Variants in HK1 observed in about 807,000 individuals in gnomAD.
HK1 encodes the protein hexokinase-1.
Under a neutral mutation model 91.6 loss-of-function variants are expected in HK1, and 28 were observed. That is an observed-to-expected ratio of 0.31 (90% CI 0.23 to 0.42). The LOEUF (loss-of-function observed/expected upper bound fraction) is 0.42, where lower values mean the gene tolerates loss of function less well. HK1 is among the 10% of genes least tolerant of loss of function. The pLI is 1.00. For synonymous variants in HK1, 430 were observed against 468.1 expected (o/e 0.92, Z 1.05); for missense variants, 770 against 1,219.8 (o/e 0.63, Z 5.49).
chr10:69,317,981 C>T (rs146790406), upstream of HK1: 791 of 907,114 alleles, frequency 8.7e-4, 8 homozygotes, highest in African/African-American at 0.013. Flanking sequence ...TGGGAAGGGG[C>T]GCTGAACCGT....
At chr10:69,309,578 G>A (rs1384693907) in intron 5 of HK1, among the ~76,000 whole-genome samples, 3 of 144,622 alleles carry the variant, frequency 2.1e-5, no homozygotes, top group Non-Finnish European at 3.0e-5. Flanking sequence ...GAGGTGGGCG[G>A]ATCATGAGGT....
chr10:69,379,682 T>G (rs1839288033), intron 8 of HK1, among the ~76,000 whole-genome samples, 180 bp from the exon 9 acceptor site: 1 of 152,186 alleles, frequency 6.6e-6, no homozygotes, highest in East Asian at 1.9e-4. Context: ...CTGGCATTTC[T>G]TATGGAGGAG....
chr10:69,326,276 GGT>G (rs1360330554), intron 1 of HK1, among the ~76,000 whole-genome samples: 1 of 152,030 alleles, frequency 6.6e-6, no homozygotes, highest in Non-Finnish European at 1.5e-5. Context: ...CATATGTGTA[GGT>G]GTGTGTATGC....
chr10:69,335,833 C>T lies in HK1; in HGVS notation c.64-7994C>T, dbSNP rs1424579710. On this transcript the variant is annotated intron_variant, in intron 1 of 17. Transcript: ENST00000359426. ...TCAAATGCAGGTGTCTACATGGCCC[C>T]GACTGTGCCCTGTCATCGGACCGGG... Among the ~76,000 whole-genome samples, 5 of 152,308 alleles carry T rather than the reference C, an allele frequency of 3.3e-5. No individual in the cohort carries two copies. The East Asian group carries it at 5.8e-4, about 18-fold the overall frequency.
At chr10:69,284,795 C>A (rs916963664) in intron 2 of HK1, among the ~76,000 whole-genome samples, 2 of 152,090 alleles carry the variant, frequency 1.3e-5, no homozygotes, top group African/African-American at 4.8e-5. Context: ...CTCACCACCA[C>A]GCTCAGTAAT....
chr10:69,295,359 A>G (rs1845507440), intron 3 of HK1, among the ~76,000 whole-genome samples: 1 of 152,116 alleles, frequency 6.6e-6, no homozygotes, highest in South Asian at 2.1e-4. Context: ...GTTGTCTTTC[A>G]TCTTGGACTC....
Position 69,338,516 on chromosome 10 carries a change from C to G in HK1, c.64-5311C>G, listed in dbSNP as rs754924372. ...CTGATAGATGGTCCACAGACCGAGG[C>G]TTGCAGTGGAAGCAGCTGGAAGTGG... On this transcript the variant is annotated intron_variant, in intron 1 of 17. Coordinates refer to ENST00000359426, the MANE Select transcript of HK1 (RefSeq NM_000188.3). The G allele has an allele frequency of 3.9e-6, 5 of 1,289,448 alleles. No individual in the cohort carries two copies. In the African/African-American group the frequency reaches 7.6e-5, roughly 20 times the overall value. 79.9% of individuals were successfully genotyped at this position (1,289,448 alleles called of 1,614,324 possible). A position where few individuals can be genotyped will look rare whatever the true frequency, so the allele number is the denominator to read the frequency against.
At chr10:69,348,700 A>G (rs1364590122) in intron 2 of HK1, among the ~76,000 whole-genome samples, 1 of 152,138 alleles carries the variant, frequency 6.6e-6, no homozygotes, top group Non-Finnish European at 1.5e-5. Flanking sequence ...AATCCCAGCT[A>G]CCTGGGAGGC....
At chr10:69,361,998 G>A (rs550527181) in intron 3 of HK1, among the ~76,000 whole-genome samples, 10 of 152,162 alleles carry the variant, frequency 6.6e-5, no homozygotes, top group Admixed American at 2.6e-4. Context: ...TGTATTGTTC[G>A]TAGAGATGGG....
rs145461525 is a variant in HK1, at chr10:69,281,190, T to G, written c.-390-1339T>G. ...TCACAGAATCACCAGGAGGGCTTGT[T>G]AAAACACAGATTCATGGTTCCACCC... On this transcript the variant is annotated intron_variant, in intron 1 of 21. Transcript: ENST00000360289. Among the ~76,000 whole-genome samples the G allele has an allele frequency of 1.7e-3, 260 of 152,294 alleles. 2 individuals are homozygous for G. The highest frequency in any genetic ancestry group is 6.0e-3 in the African/African-American group (251 of 41,558).
At chr10:69,272,640 C>T (rs555649132) in intron 1 of HK1, among the ~76,000 whole-genome samples, 54 of 120,574 alleles carry the variant, frequency 4.5e-4, no homozygotes, top group African/African-American at 1.3e-3. Flanking sequence ...ATTCTTATTA[C>T]TGTTTTTCTG....
chr10:69,310,364 T>C (rs1846311900), intron 5 of HK1, among the ~76,000 whole-genome samples: 2 of 141,232 alleles, frequency 1.4e-5, no homozygotes, highest in Non-Finnish European at 3.0e-5. Context: ...GAGGTTGCAG[T>C]GAGCCGAGAT....
chr10:69,276,118 A>AAAAAATATATAT lies in HK1; in HGVS notation c.-391+6011_-391+6012insAAAATATATATA. Among the ~76,000 whole-genome samples the AAAAAATATATAT allele has an allele frequency of 9.6e-3, 366 of 38,238 alleles. 71 individuals are homozygous for AAAAAATATATAT. Among genetic ancestry groups the AAAAAATATATAT allele is most frequent in the South Asian group, 0.02 (13 of 640 alleles). 25.1% of individuals were successfully genotyped at this position (38,238 alleles called of 152,430 possible). On this transcript the variant is annotated intron_variant, in intron 1 of 21. Transcript: ENST00000360289. ...AAAAAAAAAAAAAAAAAAAAAAAAA[A>AAAAAATATATAT]ATACATATATATATATATATACACA...
At chr10:69,332,381 C>CT (rs898192212) in intron 1 of HK1, among the ~76,000 whole-genome samples, 1 of 146,594 alleles carries the variant, frequency 6.8e-6, no homozygotes, top group African/African-American at 2.5e-5. Flanking sequence ...TTCTTTCTTT[C>CT]TTTTTTTCTT....
At chr10:69,274,542 G>A (rs946120469) in intron 1 of HK1, among the ~76,000 whole-genome samples, 11 of 150,556 alleles carry the variant, frequency 7.3e-5, no homozygotes, top group African/African-American at 2.2e-4. Flanking sequence ...AGGTTGCTGC[G>A]AGCCGAGATG....
At chr10:69,315,723 C>G, upstream of HK1, 1 of 597,936 alleles carries the variant, frequency 1.7e-6, no homozygotes, top group Middle Eastern at 4.5e-4. Flanking sequence ...AGGACCAGCC[C>G]CCTAGAAGAC....
intron 1 of HK1, among the ~76,000 whole-genome samples, chr10:69,271,501 G>C (rs1290842787): frequency 1.4e-5 from 2 of 147,346 alleles, no homozygotes; most frequent in African/African-American, 5.0e-5. Context: ...TTTTGAGATG[G>C]AGTCTCGCTC....
chr10:69,286,500 A>C (rs140256805), intron 2 of HK1, among the ~76,000 whole-genome samples: 238 of 152,292 alleles, frequency 1.6e-3, no homozygotes, highest in African/African-American at 5.6e-3. Context: ...TCTCAAAAAC[A>C]AGCAAACAAA....
In HK1 at chr10:69,369,207, G is replaced by A; in HGVS notation, c.592-30G>A. 1 of 1,530,608 alleles carries A rather than the reference G, an allele frequency of 6.5e-7. No individual in the cohort carries two copies. Among genetic ancestry groups the A allele is most frequent in the South Asian group, 1.1e-5 (1 of 89,302 alleles). The allele number at this position is 1,530,608 out of a possible 1,614,324, so 94.8% of individuals were successfully genotyped here. A position where few individuals can be genotyped will look rare whatever the true frequency, so the allele number is the denominator to read the frequency against. On this transcript the variant is annotated intron_variant, in intron 5 of 17. Coordinates refer to ENST00000359426, the MANE Select transcript of HK1 (RefSeq NM_000188.3). This position sits in a 1 kb window ranked among gnomAD's most constrained non-coding sequence, Gnocchi z 4.4. ...GTGATCTCTGCTCCCATGTGTGAGTGGACAATGACACCCCGTTATCTGTCC... is the reference window on the plus strand; with the variant it reads ...GTGATCTCTGCTCCCATGTGTGAGTAGACAATGACACCCCGTTATCTGTCC...
Sources: allele counts gnomAD v4.1 joint callset (sites outside exome capture counted in the v4.1 genomes callset), GRCh38; gene constraint gnomAD v4.1.1; non-coding constraint Gnocchi (gnomAD v3.1); transcripts MANE v1.5; gene names NCBI Gene and HGNC (gene_info 2026-07-23, HGNC 2026-07-21).